Variants in ALG6 observed in about 807,000 individuals in gnomAD.
ALG6 encodes dolichyl pyrophosphate Man9GlcNAc2 alpha-1,3-glucosyltransferase.
In ALG6, 46 loss-of-function variants were observed where a neutral mutation model predicts 66.6. The ratio of observed to expected loss-of-function variants is 0.69; its 90% CI spans 0.55 to 0.88. ALG6 has a LOEUF of 0.88. ALG6 is among the 40% of genes least tolerant of loss of function. The probability of loss-of-function intolerance (pLI) is 0.00; values close to 1 mark genes in which losing one functional copy is unlikely to be tolerated. For synonymous variants in ALG6, 185 were observed against 203.7 expected, an observed-to-expected ratio of 0.91 and a Z score of 0.78; for missense variants, 505 against 586.8, an observed-to-expected ratio of 0.86 and a Z score of 1.44.
At chr1:63,400,257 A>G (rs1472493056) in intron 3 of ALG6, among the ~76,000 whole-genome samples, 125 of 4,006 alleles carry the variant, frequency 0.031, 39 homozygotes, top group Non-Finnish European at 0.04. Flanking sequence ...ATATATATGT[A>G]TATATATATA....
rs529367259 is a variant in ALG6, at chr1:63,436,690, G to A, written c.1327-133G>A. On this transcript the variant is annotated intron_variant, in intron 14 of 14. Transcript: ENST00000263440. Reference sequence around the variant, plus strand: ...ATGATTCTAATAGGAAGTCAAAGTTGAGATACACCAGAATAAATTAGACCC... The same window carrying A: ...ATGATTCTAATAGGAAGTCAAAGTTAAGATACACCAGAATAAATTAGACCC... 3.9e-5 allele frequency: 33 copies of A among 850,476 alleles called. No homozygotes were observed. In the South Asian group the frequency reaches 4.5e-4, roughly 12 times the overall value. 52.7% of individuals were successfully genotyped at this position (850,476 alleles called of 1,614,324 possible). A position where few individuals can be genotyped will look rare whatever the true frequency, so the allele number is the denominator to read the frequency against.
intron 11 of ALG6, 81 bp from the exon 12 acceptor site, chr1:63,419,288 AT>A: frequency 8.6e-7 from 1 of 1,167,178 alleles, no homozygotes. Flanking sequence ...ATTTGAAATG[AT>A]TTTTATTTAG....
intron 2 of ALG6, among the ~76,000 whole-genome samples, chr1:63,374,027 T>C (rs1648027092): frequency 6.6e-6 from 1 of 152,214 alleles, no homozygotes; most frequent in Admixed American, 6.5e-5. Context: ...ATGAGTATTT[T>C]CTTTAGTATT....
intron 11 of ALG6, among the ~76,000 whole-genome samples, chr1:63,416,726 T>C (rs2100425794): frequency 6.6e-6 from 1 of 152,286 alleles, no homozygotes; most frequent in Middle Eastern, 3.4e-3. Flanking sequence ...CTAGGTGCAT[T>C]TTCTACAGTT....
Position 63,386,461 on chromosome 1 carries a change from G to A in ALG6, c.83-10052G>A, listed in dbSNP as rs1442287102. ...CAGGTTCTAGGCTTTTCTTTGCTGG[G>A]AGACTTTTAATTACTGCTTTGATGT... On this transcript the variant is annotated intron_variant, in intron 2 of 14. Transcript: ENST00000263440. Among the ~76,000 whole-genome samples, 3 of 152,084 alleles carry A rather than the reference G, an allele frequency of 2.0e-5. No homozygotes were observed. In the East Asian group the frequency reaches 5.8e-4, roughly 29 times the overall value.
chr1:63,384,753 T>G (rs1369166531), intron 2 of ALG6, among the ~76,000 whole-genome samples: 1 of 152,228 alleles, frequency 6.6e-6, no homozygotes, highest in East Asian at 1.9e-4. Flanking sequence ...CCAGTGTATG[T>G]TCTTGGCACC....
At position 63,402,332 on chromosome 1, in the gene ALG6, A is replaced by G. The variant is rs112029121; in HGVS notation, c.246A>G (p.Leu82=). 3 of 1,606,312 alleles carry G rather than the reference A, an allele frequency of 1.9e-6. No individual in the cohort carries two copies. The highest frequency in any genetic ancestry group is 2.6e-6 in the Non-Finnish European group (3 of 1,173,370). The change falls in exon 4 of 15, where the codon CTA becomes CTG. Residue 82 remains leucine (L), a synonymous_variant. Coordinates refer to ENST00000263440, the MANE Select transcript of ALG6 (RefSeq NM_013339.4). The stretch of plus-strand genomic sequence containing the variant: ...CTCTTACAGCTTATCATAGTCTCCT[A>G]TGTGCATATGTGTAAGTTTTTCTTT... ...YPPLTAYHSL[L]CAYVAKFINP...
At chr1:63,371,088 A>C (rs760082542) in intron 2 of ALG6, 29 bp downstream of exon 2, 48 of 1,534,420 alleles carry the variant, frequency 3.1e-5, no homozygotes, top group East Asian at 9.0e-5. Context: ...TTAAAAAAAA[A>C]ACGAAATTTT....
chr1:63,378,450 T>G (rs2100386209), intron 2 of ALG6, among the ~76,000 whole-genome samples: 1 of 152,316 alleles, frequency 6.6e-6, no homozygotes, highest in South Asian at 2.1e-4. Flanking sequence ...TTTCTGTCTC[T>G]AAGGAATGGT....
At chr1:63,410,635 C>G (rs1304694745) in intron 7 of ALG6, among the ~76,000 whole-genome samples, 1 of 152,100 alleles carries the variant, frequency 6.6e-6, no homozygotes, top group East Asian at 1.9e-4. Flanking sequence ...TAGTGCCTAG[C>G]TCACCATTTT....
intron 11 of ALG6, among the ~76,000 whole-genome samples, chr1:63,416,263 G>A (rs11208207): frequency 0.095 from 14,477 of 151,956 alleles, 903 homozygotes; most frequent in East Asian, 0.15. Flanking sequence ...ATGGTATTAA[G>A]TTCTATCAGG....
In ALG6 at chr1:63,380,821, A is replaced by G. The variant is rs192105950; in HGVS notation, c.82+9762A>G. On this transcript the variant is annotated intron_variant, in intron 2 of 14. Transcript: ENST00000263440. The stretch of plus-strand genomic sequence containing the variant: ...TACTCAATTACTTTTCTCATCTGGA[A>G]AAGAAAACAGGACTCCAGCTACTTA... Among the ~76,000 whole-genome samples the G allele has an allele frequency of 7.2e-5, 11 of 152,312 alleles. No individual in the cohort carries two copies. In the East Asian group the frequency reaches 2.1e-3, roughly 29 times the overall value.
At chr1:63,424,014 G>C (rs968209099) in intron 12 of ALG6, among the ~76,000 whole-genome samples, 1 of 152,154 alleles carries the variant, frequency 6.6e-6, no homozygotes, top group Non-Finnish European at 1.5e-5. Flanking sequence ...CATGCTAGTG[G>C]ATATGAGTGG....
chr1:63,437,470 C>G lies in ALG6; in HGVS notation c.*450C>G, dbSNP rs571777063. The G allele has an allele frequency of 7.5e-5, 13 of 174,470 alleles. No individual in the cohort carries two copies. Among genetic ancestry groups the G allele is most frequent in the Non-Finnish European group, 1.6e-4 (13 of 82,036 alleles). The allele number at this position is 174,470 out of a possible 1,614,324, so 10.8% of individuals were successfully genotyped here. On this transcript the variant is annotated 3_prime_UTR_variant, in exon 15 of 15. Coordinates refer to ENST00000263440, the MANE Select transcript of ALG6 (RefSeq NM_013339.4). ...GAAATCACTAATTTTGGTATTCAAA[C>G]TTACATTTTAGAATGCAAGTAGTGT...
At chr1:63,405,119 C>T (rs1644483770) in intron 5 of ALG6, among the ~76,000 whole-genome samples, 1 of 152,074 alleles carries the variant, frequency 6.6e-6, no homozygotes, top group East Asian at 1.9e-4. Context: ...AAAGCCCAGT[C>T]CTTTTCCTTA....
chr1:63,382,659 T>G lies in ALG6; in HGVS notation c.82+11600T>G, dbSNP rs199778919. Among the ~76,000 whole-genome samples, 233 of 57,410 alleles carry G rather than the reference T, an allele frequency of 4.1e-3. 4 individuals carry two copies. Among genetic ancestry groups the G allele is most frequent in the Admixed American group, 5.1e-3 (25 of 4,916 alleles). The allele number at this position is 57,410 out of a possible 152,430, so 37.7% of individuals were successfully genotyped here. A position where few individuals can be genotyped will look rare whatever the true frequency, so the allele number is the denominator to read the frequency against. ...TGGCTAAGTTTTTTTTTGTTTGTTT[T>G]TTTTTGTTTTTTTTTTTTTGTTTTT... On this transcript the variant is annotated intron_variant, in intron 2 of 14. Transcript: ENST00000263440.
At chr1:63,412,154 C>A (rs993021990) in intron 9 of ALG6, 93 bp downstream of exon 9, 245 of 1,542,662 alleles carry the variant, frequency 1.6e-4, no homozygotes, top group Non-Finnish European at 1.9e-4. Flanking sequence ...ATAGGAACTT[C>A]AGCTACTTTC....
chr1:63,422,853 G>T (rs1644595368), intron 12 of ALG6, among the ~76,000 whole-genome samples: 2 of 151,994 alleles, frequency 1.3e-5, no homozygotes, highest in African/African-American at 4.8e-5. Context: ...TACTCGGGAG[G>T]GTGAGGCAGG....
intron 12 of ALG6, among the ~76,000 whole-genome samples, chr1:63,427,944 T>G (rs568193148): frequency 2.0e-3 from 297 of 152,014 alleles, no homozygotes; most frequent in Middle Eastern, 6.8e-3. Flanking sequence ...GTAGCTGGGA[T>G]TACAGGCACG....
Sources: allele counts gnomAD v4.1 joint callset (sites outside exome capture counted in the v4.1 genomes callset), GRCh38; gene constraint gnomAD v4.1.1; transcripts MANE v1.5; gene names NCBI Gene and HGNC (gene_info 2026-07-23, HGNC 2026-07-21).